Variants in ADAMTSL1 observed in about 807,000 individuals in gnomAD.
The protein encoded by ADAMTSL1 is ADAMTS-like protein 1.
In ADAMTSL1, 126 loss-of-function variants were observed where a neutral mutation model predicts 201.8. The ratio of observed to expected loss-of-function variants is 0.62; its 90% CI spans 0.54 to 0.72. The LOEUF (loss-of-function observed/expected upper bound fraction) is 0.72. ADAMTSL1 is among the 30% of genes least tolerant of loss of function. ADAMTSL1 has a pLI of 0.00. For missense variants in ADAMTSL1, 2,679 were observed against 2,277.8 expected (o/e 1.18, Z -3.59); for synonymous variants, 1,121 against 903.4 (o/e 1.24, Z -4.32).
intron 2 of ADAMTSL1, among the ~76,000 whole-genome samples, chr9:18,332,770 A>G (rs1343252950): frequency 2.6e-5 from 4 of 152,332 alleles, no homozygotes; most frequent in African/African-American, 9.6e-5. Context: ...CAGGCATTGT[A>G]TCCTCTGGCC....
intron 1 of ADAMTSL1, among the ~76,000 whole-genome samples, chr9:18,125,450 T>G (rs974544760): frequency 6.6e-6 from 1 of 152,172 alleles, no homozygotes; most frequent in African/African-American, 2.4e-5. Flanking sequence ...TTTATTTATT[T>G]TTTTCTTGGT....
chr9:18,768,950 G>A (rs1421390717), intron 16 of ADAMTSL1, among the ~76,000 whole-genome samples: 1 of 152,180 alleles, frequency 6.6e-6, no homozygotes, highest in African/African-American at 2.4e-5. Flanking sequence ...CTTGGAAGAA[G>A]ATTATACCGA....
intron 16 of ADAMTSL1, among the ~76,000 whole-genome samples, chr9:18,762,585 A>G (rs1820137627): frequency 6.6e-6 from 1 of 152,142 alleles, no homozygotes; most frequent in Non-Finnish European, 1.5e-5. Flanking sequence ...ATCAAATAGT[A>G]GGTCTTATTC....
At chr9:18,395,549 G>T (rs1480224397) in intron 2 of ADAMTSL1, among the ~76,000 whole-genome samples, 1 of 152,182 alleles carries the variant, frequency 6.6e-6, no homozygotes, top group African/African-American at 2.4e-5. Context: ...CCCATTTTCT[G>T]ATAGGGTATT....
At chr9:18,290,784 T>TGTG in intron 2 of ADAMTSL1, among the ~76,000 whole-genome samples, 1 of 95,378 alleles carries the variant, frequency 1.0e-5, no homozygotes, top group South Asian at 5.2e-4. Context: ...TTTGTGTGTT[T>TGTG]TTTTTTTTTT....
chr9:18,245,189 G>C (rs1304008350), intron 2 of ADAMTSL1, among the ~76,000 whole-genome samples: 1 of 152,036 alleles, frequency 6.6e-6, no homozygotes, highest in Non-Finnish European at 1.5e-5. Flanking sequence ...CTACAGCAGC[G>C]CTGTCCAATG....
At chr9:18,671,345 A>G (rs1829798743) in intron 9 of ADAMTSL1, among the ~76,000 whole-genome samples, 1 of 152,194 alleles carries the variant, frequency 6.6e-6, no homozygotes, top group African/African-American at 2.4e-5. Context: ...AGTCTTCTAA[A>G]TGGTGAGGTG....
chr9:18,500,451 G>A (rs1441045337), intron 1 of ADAMTSL1, among the ~76,000 whole-genome samples: 1 of 152,184 alleles, frequency 6.6e-6, no homozygotes, highest in African/African-American at 2.4e-5. Context: ...ATGGAGTTGG[G>A]GGGTTGATTG....
intron 2 of ADAMTSL1, among the ~76,000 whole-genome samples, chr9:18,190,927 A>G (rs1002290873): frequency 1.3e-5 from 2 of 152,150 alleles, no homozygotes; most frequent in Non-Finnish European, 2.9e-5. Flanking sequence ...ACATGAACCT[A>G]CTTGTTTTCT....
chr9:18,152,376 G>A (rs1277816025), intron 1 of ADAMTSL1, among the ~76,000 whole-genome samples: 3 of 152,032 alleles, frequency 2.0e-5, no homozygotes, highest in Admixed American at 1.3e-4. Context: ...ATGAATGCAG[G>A]AAATATAGAA....
intron 3 of ADAMTSL1, among the ~76,000 whole-genome samples, chr9:18,568,726 ATTT>A (rs57985853): frequency 6.7e-4 from 97 of 143,822 alleles, no homozygotes; most frequent in East Asian, 3.6e-3. Flanking sequence ...AGAAGCATGG[ATTT>A]TTTTTTTTTT....
Position 18,879,773 on chromosome 9 carries a change from A to G in ADAMTSL1, c.4250-8058A>G, listed in dbSNP as rs139101432. Among the ~76,000 whole-genome samples the G allele has an allele frequency of 9.2e-5, 14 of 152,362 alleles. No individual in the cohort carries two copies. In the East Asian group the frequency reaches 2.1e-3, roughly 23 times the overall value. Reference sequence around the variant, plus strand: ...AGATTCTGGCAGTTTTTAAAAGACAACAACAATGAAGTTTGCTGCATCGAT... The same window carrying G: ...AGATTCTGGCAGTTTTTAAAAGACAGCAACAATGAAGTTTGCTGCATCGAT... On this transcript the variant is annotated intron_variant, in intron 23 of 28. Coordinates refer to ENST00000380548, the MANE Select transcript of ADAMTSL1 (RefSeq NM_001040272.6).
chr9:17,961,916 A>G (rs1357689997), intron 1 of ADAMTSL1, among the ~76,000 whole-genome samples: 2 of 152,188 alleles, frequency 1.3e-5, no homozygotes, highest in Non-Finnish European at 2.9e-5. Flanking sequence ...ATAAGCTTAG[A>G]CTAAAGTAGA....
chr9:18,290,976 T>C (rs1587482732), intron 2 of ADAMTSL1, among the ~76,000 whole-genome samples: 1 of 152,022 alleles, frequency 6.6e-6, no homozygotes. Context: ...AGAGTCGGGG[T>C]TTCACCTTGT....
intron 1 of ADAMTSL1, among the ~76,000 whole-genome samples, chr9:18,089,285 A>G (rs1823903066): frequency 6.6e-6 from 1 of 152,220 alleles, no homozygotes; most frequent in African/African-American, 2.4e-5. Flanking sequence ...CTCTGCAGCC[A>G]TAAAAAAGGA....
chr9:18,443,431 C>A (rs77334408), intron 2 of ADAMTSL1, among the ~76,000 whole-genome samples: 1 of 152,136 alleles, frequency 6.6e-6, no homozygotes, highest in Non-Finnish European at 1.5e-5. Context: ...GAAAACTGAA[C>A]CTTCTCAGTA....
chr9:17,942,586 A>G (rs1827284711), intron 1 of ADAMTSL1, among the ~76,000 whole-genome samples: 1 of 152,156 alleles, frequency 6.6e-6, no homozygotes, highest in African/African-American at 2.4e-5. Context: ...CACATGGCCT[A>G]GGAAGAATTT....
chr9:18,228,139 G>A (rs1830498763), intron 2 of ADAMTSL1, among the ~76,000 whole-genome samples: 1 of 152,188 alleles, frequency 6.6e-6, no homozygotes, highest in South Asian at 2.1e-4. Context: ...AGTCATTGGA[G>A]GATACAAAAC....
intron 19 of ADAMTSL1, among the ~76,000 whole-genome samples, chr9:18,778,899 C>G (rs993619675): frequency 6.6e-5 from 10 of 152,148 alleles, no homozygotes; most frequent in African/African-American, 2.4e-4. Context: ...AGTCTAGATT[C>G]CTCATTTTAA....
Sources: gnomAD v4.1 joint callset for allele counts (sites outside exome capture counted in the v4.1 genomes callset) on GRCh38, gnomAD v4.1.1 for gene constraint, MANE v1.5 for transcripts, NCBI Gene and HGNC (gene_info 2026-07-23, HGNC 2026-07-21) for gene names.